Variants in CEP350 observed in about 807,000 individuals in gnomAD.
CEP350 encodes the protein centrosomal protein 350, also known as centrosome-associated protein 350.
In CEP350, 126 loss-of-function variants were observed where a neutral mutation model predicts 331.8. The ratio of observed to expected loss-of-function variants is 0.38; its 90% CI spans 0.33 to 0.44. CEP350 has a LOEUF of 0.44. CEP350 is among the 20% of genes least tolerant of loss of function. CEP350 has a pLI of 1.00. For synonymous variants in CEP350, 1,200 were observed against 1,259.5 expected (o/e 0.95, Z 1.00); for missense variants, 3,406 against 3,634.6 (o/e 0.94, Z 1.62).
At position 180,098,880 on chromosome 1, in the gene CEP350, A is replaced by C. The variant is rs1215269820; in HGVS notation, c.9084A>C (p.Glu3028Asp). Residue 3028 changes from glutamate to aspartate, a missense_variant, in exon 37 of 38, where the codon GAA (glutamate) becomes GAC (aspartate). This residue lies in a region of CEP350 where 1,415 missense variants were observed against 1,512.3 expected (regional missense o/e 0.94). Coordinates refer to ENST00000367607, the MANE Select transcript of CEP350 (RefSeq NM_014810.5). ...TTCCACAGAGCTTCATAGCAAGTGAAGTACTCAAGTTGTTCAGTCTTAAAA... is the reference window on the plus strand; with the variant it reads ...TTCCACAGAGCTTCATAGCAAGTGACGTACTCAAGTTGTTCAGTCTTAAAA... ...LDEIKSFIASEVLKLFSLKKE... is the reference protein window; with the variant it reads ...LDEIKSFIASDVLKLFSLKKE... 6 of 1,612,954 alleles carry C rather than the reference A, an allele frequency of 3.7e-6. No individual in the cohort carries two copies. Among genetic ancestry groups the C allele is most frequent in the Non-Finnish European group, 5.1e-6 (6 of 1,179,500 alleles).
intron 37 of CEP350, among the ~76,000 whole-genome samples, chr1:180,100,371 T>TA (rs1660732120): frequency 6.6e-6 from 1 of 152,250 alleles, no homozygotes; most frequent in Non-Finnish European, 1.5e-5. Flanking sequence ...TATCATGTCT[T>TA]AAAGTCTGAA....
At chr1:180,036,693 C>T (rs976646336) in intron 16 of CEP350, among the ~76,000 whole-genome samples, 5 of 152,124 alleles carry the variant, frequency 3.3e-5, no homozygotes, top group African/African-American at 1.2e-4. Flanking sequence ...AAATATAACT[C>T]TTATATGCAC....
intron 18 of CEP350, 132 bp from the exon 19 acceptor site, chr1:180,041,530 C>T: frequency 1.1e-6 from 1 of 920,878 alleles, no homozygotes. Flanking sequence ...AAGACTTAAA[C>T]CATGAAATCC....
chr1:179,968,128 C>T (rs567592287), intron 1 of CEP350, among the ~76,000 whole-genome samples: 12 of 152,160 alleles, frequency 7.9e-5, no homozygotes, highest in South Asian at 2.1e-4. Flanking sequence ...GTCAGGAGAT[C>T]GAGACCAGCC....
intron 27 of CEP350, among the ~76,000 whole-genome samples, chr1:180,065,611 G>A (rs1376572566): frequency 2.6e-5 from 4 of 151,356 alleles, no homozygotes; most frequent in Non-Finnish European, 4.4e-5. Flanking sequence ...GTGAGACCCC[G>A]TCTTTAAAAA....
At chr1:180,003,969 C>T (rs1193006140) in intron 7 of CEP350, among the ~76,000 whole-genome samples, 1 of 152,134 alleles carries the variant, frequency 6.6e-6, no homozygotes, top group Admixed American at 6.6e-5. Context: ...AAAGCTTCTA[C>T]TAATACATTT....
Position 180,093,246 on chromosome 1 carries a change from G to A in CEP350, c.7141G>A (p.Val2381Met). 2 of 1,602,054 alleles carry A rather than the reference G, an allele frequency of 1.2e-6. No individual in the cohort carries two copies. The highest frequency in any genetic ancestry group is 1.7e-6 in the Non-Finnish European group (2 of 1,173,370). Reference protein sequence around the residue: ...KEIPYSEDFEVSSFKKEISAE... With the variant: ...KEIPYSEDFEMSSFKKEISAE... The stretch of plus-strand genomic sequence containing the variant: ...GATACCATACTCTGAAGATTTTGAA[G>A]TGTCTTCTTTCAAGAAAGAAATTTC... Residue 2381 changes from valine to methionine, a missense_variant, in exon 34 of 38, where the codon GTG becomes ATG. Physicochemically the swap from Val to Met is conservative, Grantham distance 21. This residue lies in a region of CEP350 where 1,415 missense variants were observed against 1,512.3 expected (regional missense o/e 0.94). Transcript: ENST00000367607.
chr1:179,983,910 C>T (rs934366837), intron 1 of CEP350, among the ~76,000 whole-genome samples: 15 of 152,176 alleles, frequency 9.9e-5, no homozygotes, highest in African/African-American at 2.9e-4. Context: ...TAGAGCAGAA[C>T]GTTTAATCCT....
chr1:180,083,199 T>C (rs1410256449), intron 30 of CEP350, among the ~76,000 whole-genome samples: 1 of 152,174 alleles, frequency 6.6e-6, no homozygotes, highest in Non-Finnish European at 1.5e-5. Flanking sequence ...TCACTCAACA[T>C]TAGTATATGG....
intron 13 of CEP350, 69 bp downstream of exon 13, chr1:180,022,917 C>A: frequency 3.5e-6 from 5 of 1,436,282 alleles, no homozygotes; most frequent in South Asian, 2.7e-5. Flanking sequence ...GAACTCTGGT[C>A]TGAATATTAG....
In CEP350 at chr1:179,955,110, C is replaced by T. The variant is rs1472282690; in HGVS notation, c.-46C>T. ...CTCCGCCAGGCTCCGCGGGATGCAC[C>T]GTGGTAGCCGAGGGCGGAGGCGACA... On this transcript the variant is annotated 5_prime_UTR_variant, in exon 1 of 38. Coordinates refer to ENST00000367607, the MANE Select transcript of CEP350 (RefSeq NM_014810.5). The T allele has an allele frequency of 2.0e-6, 3 of 1,471,836 alleles. No homozygotes were observed. The highest frequency in any genetic ancestry group is 1.8e-4 in the Middle Eastern group (1 of 5,492). The allele number at this position is 1,471,836 out of a possible 1,614,324, so 91.2% of individuals were successfully genotyped here.
intron 1 of CEP350, among the ~76,000 whole-genome samples, chr1:179,962,057 G>A (rs187367128): frequency 1.8e-3 from 276 of 152,004 alleles, no homozygotes; most frequent in Non-Finnish European, 2.7e-3. Context: ...ATGTTGGCCA[G>A]GCTGGTCTCA....
Position 180,033,778 on chromosome 1 carries a change from T to G in CEP350, c.3726-84T>G, listed in dbSNP as rs1019035490. ...TTTAAAGCTAATGTTGATAGTTTTTTTATATGTTGTTCTTTTGAATTATTT... is the reference window on the plus strand; with the variant it reads ...TTTAAAGCTAATGTTGATAGTTTTTGTATATGTTGTTCTTTTGAATTATTT... On this transcript the variant is annotated intron_variant, in intron 15 of 37. Transcript: ENST00000367607. The G allele has an allele frequency of 3.7e-6, 5 of 1,359,098 alleles. No individual in the cohort carries two copies. The African/African-American group carries it at 7.3e-5, about 20-fold the overall frequency. 84.2% of individuals were successfully genotyped at this position (1,359,098 alleles called of 1,614,324 possible). A position where few individuals can be genotyped will look rare whatever the true frequency, so the allele number is the denominator to read the frequency against.
intron 1 of CEP350, among the ~76,000 whole-genome samples, chr1:179,985,298 C>T (rs12135751): frequency 2.6e-5 from 4 of 152,076 alleles, no homozygotes; most frequent in Admixed American, 1.3e-4. Context: ...TAATGTCCTC[C>T]AGATTCTTTC....
chr1:180,008,345 G>A (rs1654396976), intron 8 of CEP350, among the ~76,000 whole-genome samples: 1 of 152,136 alleles, frequency 6.6e-6, no homozygotes, highest in African/African-American at 2.4e-5. Flanking sequence ...TATGTAAAAT[G>A]GGAAAGCAGT....
intron 26 of CEP350, 110 bp from the exon 27 acceptor site, chr1:180,065,005 A>G: frequency 8.7e-7 from 1 of 1,148,208 alleles, no homozygotes; most frequent in South Asian, 2.4e-5. Context: ...ATTTTCAACT[A>G]TTGTTATAAA....
At chr1:179,967,358 A>C (rs1489705845) in intron 1 of CEP350, among the ~76,000 whole-genome samples, 1 of 152,182 alleles carries the variant, frequency 6.6e-6, no homozygotes, top group Non-Finnish European at 1.5e-5. Flanking sequence ...TAAAAACTAT[A>C]TCTAAAAATC....
chr1:180,052,844 T>C (rs1266906524), intron 22 of CEP350, 126 bp from the exon 23 acceptor site: 7 of 432,444 alleles, frequency 1.6e-5, no homozygotes, highest in Non-Finnish European at 2.9e-5. Flanking sequence ...ATTTCATGTC[T>C]ATTTATTAGT....
At position 180,094,217 on chromosome 1, in the gene CEP350, A is replaced by G; in HGVS notation, c.8112A>G (p.Glu2704=). ...AGCAACAGCAGTTTACAGAAGAGGA[A>G]GACAACCTATATGCTGAAGCTTCAG... ...LEKQQQFTEE[E]DNLYAEASEK... is the part of the protein sequence containing the mutation. Residue 2704 remains glutamate (E), a synonymous_variant, in exon 34 of 38, where the codon GAA becomes GAG. Coordinates refer to ENST00000367607, the MANE Select transcript of CEP350 (RefSeq NM_014810.5). 5 of 1,613,376 alleles carry G rather than the reference A, an allele frequency of 3.1e-6. No individual in the cohort carries two copies. The highest frequency in any genetic ancestry group is 4.2e-6 in the Non-Finnish European group (5 of 1,179,568).
Sources: allele counts gnomAD v4.1 joint callset (sites outside exome capture counted in the v4.1 genomes callset), GRCh38; gene constraint gnomAD v4.1.1; regional missense constraint gnomAD v4.1.1; transcripts MANE v1.5; gene names NCBI Gene and HGNC (gene_info 2026-07-23, HGNC 2026-07-21).